Variants in PKHD1 observed in about 807,000 individuals in gnomAD.
PKHD1 encodes the protein PKHD1 ciliary IPT domain containing fibrocystin/polyductin.
Under a neutral mutation model 412.0 loss-of-function variants are expected in PKHD1, and 291 were observed. That is an observed-to-expected ratio of 0.71 (90% confidence interval 0.64 to 0.78). PKHD1 has a LOEUF of 0.78. PKHD1 is among the 30% of genes least tolerant of loss of function. The pLI is 0.00. For synonymous variants in PKHD1, 1,777 were observed against 1,821.5 expected (o/e 0.98, Z 0.62); for missense variants, 4,825 against 4,950.7 (o/e 0.97, Z 0.76).
chr6:51,751,952 A>G (rs1786183084), intron 57 of PKHD1, among the ~76,000 whole-genome samples: 1 of 152,170 alleles, frequency 6.6e-6, no homozygotes, highest in Admixed American at 6.5e-5. Flanking sequence ...GGGATGATTT[A>G]AGGATCAGCA....
chr6:51,720,010 C>A (rs1407736797), intron 60 of PKHD1, among the ~76,000 whole-genome samples: 5 of 152,136 alleles, frequency 3.3e-5, no homozygotes, highest in African/African-American at 1.2e-4. Context: ...GGCAGTCTAA[C>A]CACTAAAAAA....
rs748202488 is a variant in PKHD1 at position 51,636,684 on chromosome 6, C to T, written c.11506+2165G>A. On this transcript the variant is annotated intron_variant, in intron 64 of 66. Transcript: ENST00000371117. ...AGAAATAAGAAATTTCATTGTTTGG[C>T]GAAAATGTGTGAATATACGCTGCTT... 3.9e-5 allele frequency among the ~76,000 whole-genome samples: 6 copies of T among 152,060 alleles called. No homozygotes were observed. In the South Asian group the frequency reaches 6.2e-4, roughly 16 times the overall value.
At chr6:52,073,382 A>T in intron 7 of PKHD1, 81 bp downstream of exon 7, 1 of 876,752 alleles carries the variant, frequency 1.1e-6, no homozygotes, top group Non-Finnish European at 2.0e-6. Context: ...CTTACAATTT[A>T]TTGCCATCAG....
At position 51,831,032 on chromosome 6, in the gene PKHD1, T is replaced by C. The variant is rs779374745; in HGVS notation, c.8174-43A>G. The C allele has an allele frequency of 7.3e-6, 11 of 1,502,708 alleles. No individual in the cohort carries two copies. In the South Asian group the frequency reaches 1.1e-4, roughly 16 times the overall value. The allele number at this position is 1,502,708 out of a possible 1,614,324, so 93.1% of individuals were successfully genotyped here. A position where few individuals can be genotyped will look rare whatever the true frequency, so the allele number is the denominator to read the frequency against. On this transcript the variant is annotated intron_variant, in intron 51 of 66. Coordinates refer to ENST00000371117, the MANE Select transcript of PKHD1 (RefSeq NM_138694.4). ...ATTTTGAAAATCTAATCCATTGTGA[T>C]AACTTCCAAATTCTATCCTTATTTT...
At chr6:51,761,831 A>T (rs1340093272) in intron 55 of PKHD1, among the ~76,000 whole-genome samples, 1 of 131,222 alleles carries the variant, frequency 7.6e-6, no homozygotes, top group Non-Finnish European at 1.7e-5. Context: ...TGAGATAAGA[A>T]ATGAGAAAAA....
Position 51,618,626 on chromosome 6 carries a change from T to C in PKHD1, c.*455A>G, listed in dbSNP as rs1418172735. 1 of 263,376 alleles carries C rather than the reference T, an allele frequency of 3.8e-6. No individual in the cohort carries two copies. Among genetic ancestry groups the C allele is most frequent in the East Asian group, 1.0e-4 (1 of 9,946 alleles). The allele number at this position is 263,376 out of a possible 1,614,324, so 16.3% of individuals were successfully genotyped here. On this transcript the variant is annotated 3_prime_UTR_variant, in exon 67 of 67. Coordinates refer to ENST00000371117, the MANE Select transcript of PKHD1 (RefSeq NM_138694.4). ...GTTGAACTGTCCCTTCAAATGCTAC[T>C]ACAGGATAAAGAAATGCTTTTCTGT...
chr6:51,770,560 TG>T (rs1481885165), intron 55 of PKHD1, among the ~76,000 whole-genome samples: 1 of 151,936 alleles, frequency 6.6e-6, no homozygotes, highest in African/African-American at 2.4e-5. Flanking sequence ...CTGGCAAATT[TG>T]TACTTACTTT....
intron 35 of PKHD1, among the ~76,000 whole-genome samples, chr6:51,981,357 CCCTCT>C (rs1562046728): frequency 1.2e-4 from 14 of 116,070 alleles, no homozygotes; most frequent in East Asian, 2.5e-4. Context: ...CTCTCCCTCT[CCCTCT>C]CCCTCTCCCT....
chr6:51,664,656 G>C (rs770807814), intron 60 of PKHD1, among the ~76,000 whole-genome samples: 1 of 152,126 alleles, frequency 6.6e-6, no homozygotes, highest in African/African-American at 2.4e-5. Context: ...ATTAAGCACT[G>C]TGTTAAAACT....
At chr6:51,621,746 G>A (rs1344737225) in intron 66 of PKHD1, 1 of 152,184 alleles carries the variant, frequency 6.6e-6, no homozygotes, top group Non-Finnish European at 1.5e-5. Context: ...TGAGGTTATA[G>A]ACAGAACTAA....
intron 39 of PKHD1, 131 bp downstream of exon 39, chr6:51,911,668 A>G (rs1009331451): frequency 1.8e-5 from 14 of 781,392 alleles, no homozygotes; most frequent in Non-Finnish European, 2.4e-5. Context: ...AACTACAGAA[A>G]AGTATGGGCA....
intron 35 of PKHD1, among the ~76,000 whole-genome samples, chr6:51,961,595 A>G (rs1792042930): frequency 1.3e-5 from 2 of 152,126 alleles, no homozygotes; most frequent in Admixed American, 1.3e-4. Flanking sequence ...TACTTCTTAT[A>G]AGGCTATATA....
chr6:51,706,616 G>GA (rs1780052898), intron 60 of PKHD1, among the ~76,000 whole-genome samples: 2 of 152,008 alleles, frequency 1.3e-5, no homozygotes, highest in Non-Finnish European at 2.9e-5. Flanking sequence ...TTGAATCACT[G>GA]ATACTCCACT....
chr6:51,730,292 G>GCAAAATC (rs1391457063), intron 60 of PKHD1, among the ~76,000 whole-genome samples: 12 of 152,046 alleles, frequency 7.9e-5, no homozygotes, highest in Non-Finnish European at 1.8e-4. Context: ...AAGTATCCCT[G>GCAAAATC]TAACTCTAAA....
chr6:51,913,493 A>AT (rs548985618), intron 37 of PKHD1, among the ~76,000 whole-genome samples: 3 of 151,976 alleles, frequency 2.0e-5, no homozygotes, highest in South Asian at 2.1e-4. Flanking sequence ...CAAGGCACAG[A>AT]TTTTTTCAAG....
intron 36 of PKHD1, among the ~76,000 whole-genome samples, chr6:51,951,969 C>T (rs1790433016): frequency 6.6e-6 from 1 of 152,192 alleles, no homozygotes; most frequent in South Asian, 2.1e-4. Context: ...ATTATAGCTT[C>T]TCTGCTAGGA....
intron 21 of PKHD1, among the ~76,000 whole-genome samples, chr6:52,050,638 T>C (rs1562233925): frequency 1.3e-5 from 2 of 152,190 alleles, no homozygotes; most frequent in East Asian, 1.9e-4. Flanking sequence ...CCTTTCCTCC[T>C]TTCCTTCCCA....
chr6:51,771,780 C>G (rs1414542747), intron 55 of PKHD1, among the ~76,000 whole-genome samples: 1 of 152,060 alleles, frequency 6.6e-6, no homozygotes, highest in Non-Finnish European at 1.5e-5. Flanking sequence ...GAATTTTCTT[C>G]CATTTTCCAC....
rs1766949048 is a variant in PKHD1 at position 51,824,242 on chromosome 6, T to C, written c.8302+6619A>G. ...TAAATCCACCTCAAAAGAAAACAAA[T>C]AAATTACTAGGTAATCAGTTCATCA... On this transcript the variant is annotated intron_variant, in intron 52 of 66. Transcript: ENST00000371117. Among the ~76,000 whole-genome samples, 3 of 152,186 alleles carry C rather than the reference T, an allele frequency of 2.0e-5. No individual in the cohort carries two copies. In the South Asian group the frequency reaches 6.2e-4, roughly 32 times the overall value.
Sources: gnomAD v4.1 joint callset for allele counts (sites outside exome capture counted in the v4.1 genomes callset) on GRCh38, gnomAD v4.1.1 for gene constraint, MANE v1.5 for transcripts, NCBI Gene and HGNC (gene_info 2026-07-23, HGNC 2026-07-21) for gene names.